PLG: variants seen among roughly 807,000 people sequenced by gnomAD.
PLG encodes plasminogen.
A neutral mutation model predicts 104.4 loss-of-function variants in PLG; 41 were observed. That is an observed-to-expected ratio of 0.39 (90% CI 0.31 to 0.51). PLG has a LOEUF of 0.51. Among genes scored for constraint, PLG ranks in the 20% least tolerant of loss-of-function variants. PLG has a pLI of 0.76. For synonymous variants in PLG, 337 were observed against 357.1 expected (o/e 0.94, Z 0.63); for missense variants, 891 against 1,003.6 (o/e 0.89, Z 1.52).
Position 160,740,168 on chromosome 6 carries a change from C to T in PLG, c.2018+960C>T, listed in dbSNP as rs1778165058. 6.6e-6 allele frequency among the ~76,000 whole-genome samples: 1 copy of T among 152,180 alleles called. No homozygotes were observed. Among genetic ancestry groups the T allele is most frequent in the Admixed American group, 6.5e-5 (1 of 15,282 alleles). ...CTGCTCTCCTGGGCCTGGCCACAAG[C>T]CCAGGGCAGCTTCTCTGGGTCTGTG... On this transcript the variant is annotated intron_variant, in intron 16 of 18. Transcript: ENST00000308192. The surrounding 1 kb of genome is among the most constrained non-coding windows in gnomAD (Gnocchi z 5.2).
chr6:160,743,611 A>G (rs1778230896), intron 17 of PLG, among the ~76,000 whole-genome samples: 1 of 152,080 alleles, frequency 6.6e-6, no homozygotes, highest in Admixed American at 6.5e-5. Context: ...GCCAACAGGG[A>G]TCGTTTGATT....
At chr6:160,703,018 T>A (rs1430455723) in intron 1 of PLG, among the ~76,000 whole-genome samples, 1 of 152,022 alleles carries the variant, frequency 6.6e-6, no homozygotes, top group Non-Finnish European at 1.5e-5. Context: ...TGTGTATCCT[T>A]TACAAATACT....
At position 160,741,258 on chromosome 6, in the gene PLG, A is replaced by G. The variant is rs1835346; in HGVS notation, c.2019-53A>G. 24,195 of 1,206,208 alleles carry G rather than the reference A, an allele frequency of 0.02. 314 individuals carry two copies. Among genetic ancestry groups the G allele is most frequent in the Middle Eastern group, 0.035 (182 of 5,246 alleles). The allele number at this position is 1,206,208 out of a possible 1,614,324, so 74.7% of individuals were successfully genotyped here. On this transcript the variant is annotated intron_variant, in intron 16 of 18. Transcript: ENST00000308192. This position sits in a 1 kb window ranked among gnomAD's most constrained non-coding sequence, Gnocchi z 4.7. ...AAGACAGGGATGACTGGTTGTGGGT[A>G]CTGCAGCTGCGAGCAGAGCAGTCAA...
rs1420078052 is a variant in PLG, at chr6:160,719,232, G to A, written c.1096+394G>A. Among the ~76,000 whole-genome samples, 5 of 152,058 alleles carry A rather than the reference G, an allele frequency of 3.3e-5. No homozygotes were observed. The highest frequency in any genetic ancestry group is 2.0e-4 in the Admixed American group (3 of 15,272). ...AATTAGTCTATTTCTCTTTTAGATCGTAACTCTTTTGTATATTTTGAAGCT... is the reference window on the plus strand; with the variant it reads ...AATTAGTCTATTTCTCTTTTAGATCATAACTCTTTTGTATATTTTGAAGCT... On this transcript the variant is annotated intron_variant, in intron 9 of 18. Coordinates refer to ENST00000308192, the MANE Select transcript of PLG (RefSeq NM_000301.5). This position sits in a 1 kb window ranked among gnomAD's most constrained non-coding sequence, Gnocchi z 4.1.
At chr6:160,716,920 G>A (rs1777741649) in intron 7 of PLG, among the ~76,000 whole-genome samples, 157 bp downstream of exon 7, 1 of 152,216 alleles carries the variant, frequency 6.6e-6, no homozygotes, top group Admixed American at 6.5e-5. Context: ...GTTTAAAACA[G>A]TTATGGTTAT....
chr6:160,702,736 A>G (rs1434045758), intron 1 of PLG, among the ~76,000 whole-genome samples: 1 of 152,190 alleles, frequency 6.6e-6, no homozygotes, highest in Admixed American at 6.5e-5. Context: ...CTCACTTGCA[A>G]GTTAAAACAG....
In PLG at chr6:160,722,532, C is replaced by A; in HGVS notation, c.1221C>A (p.His407Gln). Residue 407 changes from histidine to glutamine, a missense_variant, in exon 10 of 19, where the codon CAC becomes CAA. Physicochemically the swap from His to Gln is conservative, Grantham distance 24. Transcript: ENST00000308192. Reference protein sequence around the residue: ...KCQSWSSMTPHRHQKTPENYP... With the variant: ...KCQSWSSMTPQRHQKTPENYP... ...AGTCTTGGTCATCTATGACACCACA[C>A]CGGCACCAGAAGACCCCAGAAAACT... is the stretch of plus-strand genomic sequence containing the variant. 1.2e-6 allele frequency: 2 copies of A among 1,613,952 alleles called. No homozygotes were observed. Among genetic ancestry groups the A allele is most frequent in the Non-Finnish European group, 1.7e-6 (2 of 1,179,878 alleles).
At chr6:160,704,482 A>G (rs1222576238) in intron 1 of PLG, among the ~76,000 whole-genome samples, 3 of 152,252 alleles carry the variant, frequency 2.0e-5, no homozygotes, top group African/African-American at 7.2e-5. Flanking sequence ...TGTAGGACAC[A>G]CTTTGTGGAT....
intron 17 of PLG, among the ~76,000 whole-genome samples, chr6:160,743,901 C>T (rs1407287758): frequency 6.6e-6 from 1 of 152,166 alleles, no homozygotes; most frequent in Non-Finnish European, 1.5e-5. Context: ...TCCTTTTCTG[C>T]ATCTATTGAG....
intron 1 of PLG, chr6:160,706,116 G>A (rs1445236087): frequency 6.8e-6 from 3 of 439,038 alleles, no homozygotes; most frequent in Admixed American, 3.6e-5. Context: ...CATCACCCAG[G>A]TAGTGAGCTA....
intron 9 of PLG, among the ~76,000 whole-genome samples, chr6:160,720,754 T>C (rs991639822): frequency 6.6e-6 from 1 of 152,200 alleles, no homozygotes; most frequent in African/African-American, 2.4e-5. Flanking sequence ...GTAAAATTCA[T>C]AGCCATTATC....
chr6:160,714,539 A>G (rs1777698795), intron 5 of PLG, among the ~76,000 whole-genome samples: 1 of 152,224 alleles, frequency 6.6e-6, no homozygotes, highest in Non-Finnish European at 1.5e-5. Context: ...GAACTTGGTC[A>G]TGACTACAAT....
rs768047126 is a variant in PLG, at chr6:160,707,787, A to C, written c.273A>C (p.Val91=). The part of the protein sequence containing the change: ...KSSIIIRMRD[V]VLFEKKVYLS... ...CCATAATCATTAGGATGAGAGATGT[A>C]GTTTTATTTGAAAAGAAAGGTGAGT... The change falls in exon 3 of 19, where the codon GTA becomes GTC. Residue 91 remains valine (V), a synonymous_variant. Coordinates refer to ENST00000308192, the MANE Select transcript of PLG (RefSeq NM_000301.5). The C allele has an allele frequency of 6.2e-7, 1 of 1,611,386 alleles. No individual in the cohort carries two copies. The highest frequency in any genetic ancestry group is 1.1e-5 in the South Asian group (1 of 90,974).
rs778834963 is a variant in PLG, at chr6:160,739,687, G to A, written c.2018+479G>A. Among the ~76,000 whole-genome samples, 3 of 150,682 alleles carry A rather than the reference G, an allele frequency of 2.0e-5. No homozygotes were observed. Among genetic ancestry groups the A allele is most frequent in the Admixed American group, 6.6e-5 (1 of 15,104 alleles). On this transcript the variant is annotated intron_variant, in intron 16 of 18. Coordinates refer to ENST00000308192, the MANE Select transcript of PLG (RefSeq NM_000301.5). This position sits in a 1 kb window ranked among gnomAD's most constrained non-coding sequence, Gnocchi z 4.4. ...GAGGCAGGAGGGTCACTTGAGTCCC[G>A]GAGTTTGAGGCTGCAGTGAGTTATG... is the stretch of plus-strand genomic sequence containing the variant.
intron 7 of PLG, among the ~76,000 whole-genome samples, chr6:160,717,961 T>A (rs1205696636): frequency 1.3e-5 from 2 of 152,140 alleles, no homozygotes; most frequent in Middle Eastern, 3.2e-3. Context: ...TTAAAATTAT[T>A]CATTGTAGGG....
In PLG at chr6:160,726,554, G is replaced by T. The variant is rs911704692; in HGVS notation, c.1256+3987G>T. Among the ~76,000 whole-genome samples the T allele has an allele frequency of 6.6e-6, 1 of 151,480 alleles. No homozygotes were observed. The highest frequency in any genetic ancestry group is 1.5e-5 in the Non-Finnish European group (1 of 67,808). On this transcript the variant is annotated intron_variant, in intron 10 of 18. Transcript: ENST00000308192. This position sits in a 1 kb window ranked among gnomAD's most constrained non-coding sequence, Gnocchi z 4.4. ...CCTGAAGTCTCTTGAGATCCCTTCA[G>T]AGACAGTCTATGAGGTTAAAACACC...
chr6:160,733,543 T>C (rs375866535), intron 12 of PLG, among the ~76,000 whole-genome samples: 1 of 151,062 alleles, frequency 6.6e-6, no homozygotes, highest in Non-Finnish European at 1.5e-5. Flanking sequence ...ATAATAATAA[T>C]AGAAAGGAAG....
chr6:160,710,858 G>T (rs1442330435), intron 3 of PLG, among the ~76,000 whole-genome samples: 1 of 152,174 alleles, frequency 6.6e-6, no homozygotes, highest in Non-Finnish European at 1.5e-5. Context: ...ATCCTGGTGG[G>T]GCTCGATACA....
chr6:160,729,537 A>G (rs949003752), intron 10 of PLG, among the ~76,000 whole-genome samples: 1 of 152,248 alleles, frequency 6.6e-6, no homozygotes, highest in Non-Finnish European at 1.5e-5. Flanking sequence ...ATAATGGAAT[A>G]TTATTAAGCA....
Sources: gnomAD v4.1 joint callset for allele counts (sites outside exome capture counted in the v4.1 genomes callset) on GRCh38, gnomAD v4.1.1 for gene constraint, Gnocchi (gnomAD v3.1) non-coding constraint, MANE v1.5 for transcripts, NCBI Gene and HGNC (gene_info 2026-07-23, HGNC 2026-07-21) for gene names.